The following PCDHA8 variants were observed in gnomAD, a reference collection of about 807,000 sequenced individuals.
PCDHA8 encodes the protein protocadherin alpha-8.
PCDHA8 carries 53 observed loss-of-function variants against 61.8 expected under a neutral mutation model. That is an observed-to-expected ratio of 0.86 (90% CI 0.69 to 1.08). PCDHA8 has a LOEUF of 1.08. Ranked by LOEUF, PCDHA8 falls within the 50% of genes least tolerant of loss-of-function variation. The pLI, the probability that PCDHA8 is intolerant of heterozygous loss-of-function variation, is 0.00. For synonymous variants in PCDHA8, 618 were observed against 556.6 expected (o/e 1.11, Z -1.55); for missense variants, 1,293 against 1,245.0 (o/e 1.04, Z -0.58).
intron 1 of PCDHA8, chr5:140,927,907 G>A (rs1179807732): frequency 4.9e-5 from 79 of 1,614,038 alleles, no homozygotes; most frequent in Non-Finnish European, 6.6e-5. Flanking sequence ...TCATGCCCCC[G>A]AACTGGACTT....
intron 1 of PCDHA8, chr5:140,882,561 G>T (rs2059195927): frequency 1.2e-6 from 2 of 1,614,222 alleles, no homozygotes; most frequent in East Asian, 4.5e-5. Context: ...CTGTGTGGGC[G>T]GAGCGCGGAG....
intron 2 of PCDHA8, among the ~76,000 whole-genome samples, chr5:140,980,549 G>A (rs1382828581): frequency 1.3e-5 from 2 of 152,162 alleles, no homozygotes; most frequent in Non-Finnish European, 2.9e-5. Context: ...AGAATCGCTT[G>A]AACCCGGGAG....
intron 1 of PCDHA8, among the ~76,000 whole-genome samples, chr5:140,976,828 C>G (rs935294640): frequency 6.6e-6 from 1 of 152,262 alleles, no homozygotes; most frequent in Admixed American, 6.5e-5. Flanking sequence ...GTCTAATGAG[C>G]AAAACAGATA....
chr5:140,871,066 G>GA, intron 1 of PCDHA8: 1 of 1,613,276 alleles, frequency 6.2e-7, no homozygotes, highest in South Asian at 1.1e-5. Context: ...GGATCACGGT[G>GA]AGCCGGCGCT....
rs2098418669 is a variant in PCDHA8 at position 141,010,882 on chromosome 5, G to C, written c.*945G>C. On this transcript the variant is annotated 3_prime_UTR_variant, in exon 4 of 4. Transcript: ENST00000531613. ...GTCTATAGCTATAAATCTTTAAAGAGAAATATGAATACAATTCCCCTAAAC... is the reference window on the plus strand; with the variant it reads ...GTCTATAGCTATAAATCTTTAAAGACAAATATGAATACAATTCCCCTAAAC... The C allele has an allele frequency of 6.5e-6, 1 of 153,674 alleles. No homozygotes were observed. The allele number at this position is 153,674 out of a possible 1,614,324, so 9.5% of individuals were successfully genotyped here.
chr5:140,958,035 T>G (rs1284725890), intron 1 of PCDHA8, among the ~76,000 whole-genome samples: 2 of 152,120 alleles, frequency 1.3e-5, no homozygotes, highest in African/African-American at 4.8e-5. Context: ...ATGCTTTCTT[T>G]GCTTGTGATA....
intron 1 of PCDHA8, chr5:140,869,160 C>G (rs201759355): frequency 6.2e-7 from 1 of 1,613,768 alleles, no homozygotes; most frequent in African/African-American, 1.3e-5. Flanking sequence ...TCTGGCTTCT[C>G]CTCCTCGAAT....
chr5:140,944,807 A>T (rs1472832230), intron 1 of PCDHA8, among the ~76,000 whole-genome samples: 1 of 152,214 alleles, frequency 6.6e-6, no homozygotes, highest in Non-Finnish European at 1.5e-5. Context: ...TCGAGGGTCC[A>T]CAGTGATCTT....
intron 1 of PCDHA8, chr5:140,848,753 G>A (rs1405880656): frequency 2.5e-6 from 4 of 1,593,302 alleles, no homozygotes; most frequent in African/African-American, 1.3e-5. Context: ...TTTTGTTTGT[G>A]AATTCTCGGA....
chr5:140,899,531 CA>C (rs2067387177), intron 1 of PCDHA8, among the ~76,000 whole-genome samples: 1 of 152,140 alleles, frequency 6.6e-6, no homozygotes, highest in Non-Finnish European at 1.5e-5. Context: ...GGATGAAGCC[CA>C]CTTGATCATG....
chr5:140,882,299 C>T (rs781797969), intron 1 of PCDHA8: 33 of 1,613,690 alleles, frequency 2.0e-5, no homozygotes, highest in Non-Finnish European at 2.7e-5. Flanking sequence ...AGGCCCAAGA[C>T]CGCGGCAACT....
intron 1 of PCDHA8, among the ~76,000 whole-genome samples, chr5:140,899,853 G>T (rs2067594174): frequency 6.6e-6 from 1 of 152,118 alleles, no homozygotes; most frequent in South Asian, 2.1e-4. Context: ...TGTCACCCAG[G>T]CTGGAGTGCA....
At chr5:140,984,987 G>C (rs1034950978) in intron 3 of PCDHA8, among the ~76,000 whole-genome samples, 7 of 152,028 alleles carry the variant, frequency 4.6e-5, no homozygotes, top group Admixed American at 2.0e-4. Flanking sequence ...CCCCAGGCTG[G>C]AGTCCAGTGG....
chr5:140,901,588 T>A (rs1245761513), intron 1 of PCDHA8, among the ~76,000 whole-genome samples: 1 of 152,176 alleles, frequency 6.6e-6, no homozygotes, highest in Non-Finnish European at 1.5e-5. Flanking sequence ...TGCCATGATG[T>A]TTTGGTTACT....
chr5:140,875,356 G>A (rs2055432006), intron 1 of PCDHA8: 4 of 1,446,352 alleles, frequency 2.8e-6, no homozygotes, highest in East Asian at 2.5e-5. Context: ...TGACTGTGAT[G>A]CTGGAAAAAA....
intron 1 of PCDHA8, chr5:140,865,230 G>A (rs1393795782): frequency 6.6e-6 from 1 of 152,136 alleles, no homozygotes; most frequent in Non-Finnish European, 1.5e-5. Flanking sequence ...GGATCCCAGA[G>A]AACACGTATT....
At chr5:140,924,096 T>A (rs1044149112) in intron 1 of PCDHA8, among the ~76,000 whole-genome samples, 1 of 152,222 alleles carries the variant, frequency 6.6e-6, no homozygotes, top group Non-Finnish European at 1.5e-5. Flanking sequence ...AAAGAATAAA[T>A]TTTCATTCCA....
At chr5:140,866,372 A>G (rs1260781135) in intron 1 of PCDHA8, 2 of 152,168 alleles carry the variant, frequency 1.3e-5, no homozygotes, top group Non-Finnish European at 2.9e-5. Flanking sequence ...GCATACTTCA[A>G]TAACAATTTT....
chr5:140,870,823 G>A (rs971082881), intron 1 of PCDHA8: 1 of 1,613,762 alleles, frequency 6.2e-7, no homozygotes, highest in Non-Finnish European at 8.5e-7. Flanking sequence ...CAGCGCGGGA[G>A]GCGCAGTTAA....
Sources: allele counts gnomAD v4.1 joint callset (sites outside exome capture counted in the v4.1 genomes callset), GRCh38; gene constraint gnomAD v4.1.1; transcripts MANE v1.5; gene names NCBI Gene and HGNC (gene_info 2026-07-23, HGNC 2026-07-21).